TET1: variants seen among roughly 807,000 people sequenced by gnomAD.
TET1 encodes tet methylcytosine dioxygenase 1, also known as methylcytosine dioxygenase TET1.
Under a neutral mutation model 148.7 loss-of-function variants are expected in TET1, and 13 were observed. That is an observed-to-expected ratio of 0.09 (90% CI 0.06 to 0.14). The LOEUF (loss-of-function observed/expected upper bound fraction) is 0.14, where lower values mean the gene tolerates loss of function less well. Among genes scored for constraint, TET1 ranks in the 10% least tolerant of loss-of-function variants. The pLI, the probability that TET1 is intolerant of heterozygous loss-of-function variation, is 1.00. For missense variants in TET1, 2,182 were observed against 2,553.8 expected, an observed-to-expected ratio of 0.85 and a Z score of 3.14; for synonymous variants, 907 against 937.2, an observed-to-expected ratio of 0.97 and a Z score of 0.59.
chr10:68,633,378 T>TA (rs2054605438), intron 3 of TET1, among the ~76,000 whole-genome samples: 1 of 151,502 alleles, frequency 6.6e-6, no homozygotes, highest in Admixed American at 6.6e-5. Context: ...GTTTTTTTTT[T>TA]ATTGTCTTGT....
intron 3 of TET1, among the ~76,000 whole-genome samples, chr10:68,620,355 T>C (rs1038579878): frequency 1.3e-5 from 2 of 152,170 alleles, no homozygotes; most frequent in African/African-American, 4.8e-5. Flanking sequence ...TGGCAACCAC[T>C]AGTGTACTTC....
chr10:68,580,805 A>AATATATAT (rs1554930544), intron 2 of TET1, among the ~76,000 whole-genome samples: 18 of 94,364 alleles, frequency 1.9e-4, no homozygotes, highest in African/African-American at 3.8e-4. Flanking sequence ...AAAAAAAAAA[A>AATATATAT]ATATATATAT....
chr10:68,652,572 A>G lies in TET1; in HGVS notation c.4439A>G (p.His1480Arg). The G allele has an allele frequency of 3.7e-6, 6 of 1,610,492 alleles. No individual in the cohort carries two copies. The highest frequency in any genetic ancestry group is 5.1e-6 in the Non-Finnish European group (6 of 1,177,720). ...ACCGGTAAAGAAGGGAAAAGCTCTC[A>G]TGGGTGTCCAATTGCTAAGTGGGTA... ...VYTGKEGKSS[H>R]GCPIAKWVLR... is the part of the protein sequence containing the mutation. The change falls in exon 6 of 12, where the codon CAT (histidine) becomes CGT (arginine). Residue 1480 changes from histidine to arginine, a missense_variant. Around this residue, in one of 11 missense-constraint regions of TET1, gnomAD observed 169 missense variants for 263.7 expected, o/e 0.64. Coordinates refer to ENST00000373644, the MANE Select transcript of TET1 (RefSeq NM_030625.3).
chr10:68,624,620 CTT>C (rs1465680486), intron 3 of TET1, among the ~76,000 whole-genome samples: 1 of 32,364 alleles, frequency 3.1e-5, no homozygotes, highest in African/African-American at 2.0e-4. Context: ...TTCTTTCTTT[CTT>C]TCTTTCTTTC....
In TET1 at chr10:68,572,584, G is replaced by A; in HGVS notation, c.246G>A (p.Met82Ile). The change falls in exon 2 of 12, where the codon ATG becomes ATA. Residue 82 changes from methionine (M) to isoleucine (I), a missense_variant. By Grantham distance (10) the Met-to-Ile change is conservative (BLOSUM62 1). This residue lies in a region of TET1 where 665 missense variants were observed against 672.4 expected (regional missense o/e 0.99). Coordinates refer to ENST00000373644, the MANE Select transcript of TET1 (RefSeq NM_030625.3). ...SLLTRAGAAR[M>I]NLDRTEVLFQ... ...TGACAAGAGCTGGAGCAGCACGCAT[G>A]AATTTGGATAGGACTGAGGTTCTTT... 1 of 1,614,170 alleles carries A rather than the reference G, an allele frequency of 6.2e-7. No individual in the cohort carries two copies. The highest frequency in any genetic ancestry group is 1.3e-5 in the African/African-American group (1 of 75,050).
rs773605594 is a variant in TET1, at chr10:68,595,983, TACACACACACACACACACAC to T, written c.1915-4972_1915-4953del. Among the ~76,000 whole-genome samples the T allele has an allele frequency of 2.4e-4, 12 of 50,426 alleles. No individual in the cohort carries two copies. The South Asian group carries it at 4.5e-3, about 19-fold the overall frequency. The allele number at this position is 50,426 out of a possible 152,430, so 33.1% of individuals were successfully genotyped here. A position where few individuals can be genotyped will look rare whatever the true frequency, so the allele number is the denominator to read the frequency against. On this transcript the variant is annotated intron_variant, in intron 2 of 11. Transcript: ENST00000373644. Reference sequence around the variant, plus strand: ...ATATACACACACACACACACATATATACACACACACACACACACACACACACACACACACACACACACACA... The same window carrying T: ...ATATACACACACACACACACATATATACACACACACACACACACACACACA...
At chr10:68,684,280 G>A (rs2055479189) in intron 10 of TET1, among the ~76,000 whole-genome samples, 1 of 151,740 alleles carries the variant, frequency 6.6e-6, no homozygotes, top group African/African-American at 2.4e-5. Flanking sequence ...CTCTTACAGT[G>A]TGATTGAAAG....
chr10:68,677,216 G>C (rs529016273), intron 8 of TET1, among the ~76,000 whole-genome samples: 2 of 152,112 alleles, frequency 1.3e-5, no homozygotes, highest in East Asian at 1.9e-4. Context: ...CTTCTCCACC[G>C]CAAGAATGCT....
chr10:68,679,910 G>C (rs1222849051), intron 8 of TET1, among the ~76,000 whole-genome samples: 1 of 152,174 alleles, frequency 6.6e-6, no homozygotes, highest in Non-Finnish European at 1.5e-5. Flanking sequence ...CTGACCTCAG[G>C]TGATCTGCCC....
At chr10:68,667,313 A>T (rs2055208046) in intron 7 of TET1, 57 bp downstream of exon 7, 8 of 1,425,786 alleles carry the variant, frequency 5.6e-6, no homozygotes, top group Non-Finnish European at 5.7e-6. Flanking sequence ...CATATTGGTA[A>T]AATTGTTAAT....
At chr10:68,618,020 C>A (rs1270622537) in intron 3 of TET1, among the ~76,000 whole-genome samples, 1 of 151,664 alleles carries the variant, frequency 6.6e-6, no homozygotes, top group African/African-American at 2.4e-5. Context: ...CTCCTGGGCT[C>A]AAGTGATCCT....
intron 3 of TET1, among the ~76,000 whole-genome samples, chr10:68,631,887 G>A (rs970596715): frequency 2.0e-5 from 3 of 151,902 alleles, no homozygotes; most frequent in African/African-American, 7.3e-5. Context: ...AAGCCTAAAC[G>A]TTGATTGGTG....
intron 3 of TET1, among the ~76,000 whole-genome samples, chr10:68,616,052 CTAT>C (rs2054285366): frequency 6.6e-6 from 1 of 152,110 alleles, no homozygotes; most frequent in Non-Finnish European, 1.5e-5. Flanking sequence ...TTATACAATG[CTAT>C]TATTATCTAA....
intron 2 of TET1, among the ~76,000 whole-genome samples, chr10:68,592,270 C>A (rs189772203): frequency 1.3e-5 from 2 of 151,260 alleles, no homozygotes; most frequent in African/African-American, 4.9e-5. Flanking sequence ...GAGCCGAGAT[C>A]GTGCCACTGC....
At position 68,694,470 on chromosome 10, in the gene TET1, A is replaced by T. The variant is rs1280384581; in HGVS notation, c.*2656A>T. On this transcript the variant is annotated 3_prime_UTR_variant, in exon 12 of 12. Coordinates refer to ENST00000373644, the MANE Select transcript of TET1 (RefSeq NM_030625.3). ...CAAGGAAATAAATTTGTTTGAAATG[A>T]CATTTTCTCTCATAAAACTGGTCAT... The T allele has an allele frequency of 8.6e-6, 2 of 231,608 alleles. No homozygotes were observed. Among genetic ancestry groups the T allele is most frequent in the Non-Finnish European group, 1.7e-5 (2 of 117,192 alleles). The allele number at this position is 231,608 out of a possible 1,614,324, so 14.3% of individuals were successfully genotyped here.
intron 2 of TET1, among the ~76,000 whole-genome samples, chr10:68,594,601 C>A (rs370395020): frequency 2.0e-5 from 3 of 152,260 alleles, no homozygotes; most frequent in African/African-American, 7.2e-5. Context: ...TATTACTCCA[C>A]CCAGTCTTCC....
At chr10:68,595,936 A>G (rs1455443604) in intron 2 of TET1, among the ~76,000 whole-genome samples, 1 of 25,554 alleles carries the variant, frequency 3.9e-5, no homozygotes, top group African/African-American at 1.1e-4. Context: ...ATATATATAT[A>G]TATATATATA....
intron 3 of TET1, among the ~76,000 whole-genome samples, chr10:68,606,051 T>C (rs944856753): frequency 2.6e-5 from 4 of 152,118 alleles, no homozygotes; most frequent in African/African-American, 4.8e-5. Flanking sequence ...TTGAGTTACA[T>C]TGTTTATTTT....
rs560320304 is a variant in TET1 at position 68,585,635 on chromosome 10, G to A, written c.1914+11383G>A. 3.9e-5 allele frequency among the ~76,000 whole-genome samples: 6 copies of A among 152,168 alleles called. No individual in the cohort carries two copies. In the South Asian group the frequency reaches 1.2e-3, roughly 32 times the overall value. The stretch of plus-strand genomic sequence containing the variant: ...ATTTTTTATGGTGAGCTTACCCATA[G>A]CTTGTATTGGATTTCAGAGAAAGGA... On this transcript the variant is annotated intron_variant, in intron 2 of 11. Coordinates refer to ENST00000373644, the MANE Select transcript of TET1 (RefSeq NM_030625.3).
Sources: gnomAD v4.1 joint callset for allele counts (sites outside exome capture counted in the v4.1 genomes callset) on GRCh38, gnomAD v4.1.1 for gene constraint, gnomAD v4.1.1 regional missense constraint, MANE v1.5 for transcripts, NCBI Gene and HGNC (gene_info 2026-07-23, HGNC 2026-07-21) for gene names.